The following CENPP variants were observed in gnomAD, a reference collection of about 807,000 sequenced individuals.
CENPP encodes centromere protein P.
Under a neutral mutation model 35.6 loss-of-function variants are expected in CENPP, and 24 were observed. The observed-to-expected ratio is 0.67, with a 90% confidence interval of 0.49 to 0.95. The LOEUF is 0.95. CENPP is among the 40% of genes least tolerant of loss of function. CENPP has a pLI of 0.00. For missense variants in CENPP, 332 were observed against 345.3 expected (o/e 0.96, Z 0.31); for synonymous variants, 120 against 125.5 (o/e 0.96, Z 0.29).
At chr9:92,484,675 C>T (rs898146340) in intron 5 of CENPP, among the ~76,000 whole-genome samples, 1 of 152,168 alleles carries the variant, frequency 6.6e-6, no homozygotes, top group African/African-American at 2.4e-5. Flanking sequence ...TTTTGCATGG[C>T]AACTGTTGTC....
chr9:92,552,865 T>C (rs1264002556), intron 5 of CENPP, among the ~76,000 whole-genome samples: 1 of 152,166 alleles, frequency 6.6e-6, no homozygotes, highest in East Asian at 1.9e-4. Context: ...TTGATCTTTG[T>C]TTTTATTGCA....
intron 5 of CENPP, among the ~76,000 whole-genome samples, chr9:92,568,355 G>A (rs543984533): frequency 1.1e-4 from 16 of 152,212 alleles, no homozygotes; most frequent in African/African-American, 2.9e-4. Flanking sequence ...CTGTTGTTGC[G>A]ATAGTTTACT....
At chr9:92,356,126 C>T (rs570317085) in intron 4 of CENPP, among the ~76,000 whole-genome samples, 1 of 152,268 alleles carries the variant, frequency 6.6e-6, no homozygotes, top group African/African-American at 2.4e-5. Context: ...CTAAAAATAA[C>T]TACTGCTTAG....
intron 5 of CENPP, among the ~76,000 whole-genome samples, chr9:92,460,197 G>A (rs1267828658): frequency 6.6e-6 from 1 of 151,852 alleles, no homozygotes; most frequent in Non-Finnish European, 1.5e-5. Flanking sequence ...ACCATGCCTG[G>A]CTAATTTTCG....
rs546476015 is a variant in CENPP at position 92,536,401 on chromosome 9, G to T, written c.565-74913G>T. Among the ~76,000 whole-genome samples the T allele has an allele frequency of 1.1e-3, 165 of 152,208 alleles. 2 individuals are homozygous for T. The highest frequency in any genetic ancestry group is 3.7e-3 in the African/African-American group (152 of 41,530). On this transcript the variant is annotated intron_variant, in intron 5 of 7. Transcript: ENST00000375587. The stretch of plus-strand genomic sequence containing the variant: ...ATGATATTCTCGTCAGCTAAAGGCT[G>T]TGTATATCTGGAATCTATTTTAAAT...
At chr9:92,326,621 G>A (rs1205292222) in intron 1 of CENPP, among the ~76,000 whole-genome samples, 1 of 152,232 alleles carries the variant, frequency 6.6e-6, no homozygotes, top group African/African-American at 2.4e-5. Flanking sequence ...TGTTAGCCCT[G>A]TTTTATAGTT....
At chr9:92,352,694 G>T (rs897690287) in intron 4 of CENPP, among the ~76,000 whole-genome samples, 3 of 150,976 alleles carry the variant, frequency 2.0e-5, no homozygotes, top group African/African-American at 4.9e-5. Context: ...CACCACAGGA[G>T]AAAAATGTAG....
At chr9:92,421,463 G>C (rs1170631161) in intron 5 of CENPP, among the ~76,000 whole-genome samples, 1 of 152,210 alleles carries the variant, frequency 6.6e-6, no homozygotes, top group Non-Finnish European at 1.5e-5. Flanking sequence ...AAAAAGTAGA[G>C]AATCTTGGAA....
At chr9:92,408,254 C>G (rs1211704518) in intron 5 of CENPP, among the ~76,000 whole-genome samples, 3 of 152,160 alleles carry the variant, frequency 2.0e-5, no homozygotes, top group Non-Finnish European at 2.9e-5. Context: ...GGTGCGATCT[C>G]AGCTCACTGC....
intron 5 of CENPP, among the ~76,000 whole-genome samples, chr9:92,568,555 T>G (rs1850055245): frequency 6.6e-6 from 1 of 152,220 alleles, no homozygotes; most frequent in Non-Finnish European, 1.5e-5. Context: ...TACGAGTGTA[T>G]GTGTCTTTAT....
chr9:92,426,487 A>G (rs1454839546), intron 5 of CENPP, among the ~76,000 whole-genome samples: 2 of 152,226 alleles, frequency 1.3e-5, no homozygotes, highest in East Asian at 1.9e-4. Flanking sequence ...TCTCTGTTAT[A>G]GAGAAGGAAA....
intron 5 of CENPP, among the ~76,000 whole-genome samples, chr9:92,542,450 A>G (rs967026114): frequency 1.3e-5 from 2 of 151,896 alleles, no homozygotes; most frequent in Admixed American, 1.3e-4. Context: ...AATTATATTC[A>G]AAAAATAATT....
At chr9:92,607,202 T>G (rs951148081) in intron 5 of CENPP, among the ~76,000 whole-genome samples, 33 of 141,872 alleles carry the variant, frequency 2.3e-4, no homozygotes, top group Non-Finnish European at 4.0e-4. Flanking sequence ...TTGAAGTTTG[T>G]TTTTTTTATC....
At position 92,599,725 on chromosome 9, in the gene CENPP, GTTTTTT is replaced by G. The variant is rs369686319; in HGVS notation, c.565-11587_565-11582del. Among the ~76,000 whole-genome samples the G allele has an allele frequency of 9.2e-5, 14 of 152,240 alleles. 1 individual carries two copies. The highest frequency in any genetic ancestry group is 3.4e-4 in the African/African-American group (14 of 41,542). The stretch of plus-strand genomic sequence containing the variant: ...AGCCACTGCGCCTGGCCCAGTGGTT[GTTTTTT>G]TAATCTGCTTTCCTCCTGTTTCTCA... On this transcript the variant is annotated intron_variant, in intron 5 of 7. Coordinates refer to ENST00000375587, the MANE Select transcript of CENPP (RefSeq NM_001012267.3).
chr9:92,454,684 A>G (rs989045937), intron 5 of CENPP, among the ~76,000 whole-genome samples: 2 of 151,996 alleles, frequency 1.3e-5, no homozygotes, highest in African/African-American at 4.8e-5. Context: ...CATTGCATAT[A>G]TATTTTTATC....
At chr9:92,352,242 C>T (rs976342564) in intron 4 of CENPP, among the ~76,000 whole-genome samples, 6 of 149,230 alleles carry the variant, frequency 4.0e-5, no homozygotes, top group Non-Finnish European at 5.9e-5. Context: ...TGGTGGTGGG[C>T]GCCTGTATCC....
chr9:92,478,100 A>G (rs190508890), intron 5 of CENPP, among the ~76,000 whole-genome samples: 246 of 152,108 alleles, frequency 1.6e-3, no homozygotes, highest in Non-Finnish European at 1.9e-3. Flanking sequence ...TGGGATTATA[A>G]GCAAAGCATT....
Position 92,618,089 on chromosome 9 carries a change from G to A in CENPP, c.*4940G>A. The stretch of plus-strand genomic sequence containing the variant: ...GTCCCTAGGCCTCTAGAGCACCACA[G>A]TTACTGGAACTTCACAGGTGCGGCC... On this transcript the variant is annotated 3_prime_UTR_variant, in exon 8 of 8. Coordinates refer to ENST00000375587, the MANE Select transcript of CENPP (RefSeq NM_001012267.3). 1 of 372,360 alleles carries A rather than the reference G, an allele frequency of 2.7e-6. No homozygotes were observed. The highest frequency in any genetic ancestry group is 5.3e-6 in the Non-Finnish European group (1 of 187,166). 23.1% of individuals were successfully genotyped at this position (372,360 alleles called of 1,614,324 possible).
At chr9:92,498,237 G>T (rs1846469898) in intron 5 of CENPP, among the ~76,000 whole-genome samples, 1 of 152,052 alleles carries the variant, frequency 6.6e-6, no homozygotes, top group Non-Finnish European at 1.5e-5. Flanking sequence ...ATAAATACTG[G>T]AAGGATAAAC....
Sources: allele counts gnomAD v4.1 joint callset (sites outside exome capture counted in the v4.1 genomes callset), GRCh38; gene constraint gnomAD v4.1.1; transcripts MANE v1.5; gene names NCBI Gene and HGNC (gene_info 2026-07-23, HGNC 2026-07-21).